Variants in TTC13 observed in about 807,000 individuals in gnomAD.
TTC13 encodes the protein tetratricopeptide repeat protein 13.
A neutral mutation model predicts 120.0 loss-of-function variants in TTC13; 62 were observed. The observed-to-expected ratio is 0.52, with a 90% CI of 0.42 to 0.64. The LOEUF (loss-of-function observed/expected upper bound fraction) is 0.64, where lower values mean the gene tolerates loss of function less well. TTC13 is among the 30% of genes least tolerant of loss of function. The probability of loss-of-function intolerance (pLI) is 0.00; values close to 1 mark genes in which losing one functional copy is unlikely to be tolerated. For missense variants in TTC13, 824 were observed against 1,050.2 expected (o/e 0.78, Z 2.98); for synonymous variants, 384 against 393.5 (o/e 0.98, Z 0.28).
At chr1:230,965,878 T>C (rs1228576868) in intron 1 of TTC13, among the ~76,000 whole-genome samples, 3 of 152,186 alleles carry the variant, frequency 2.0e-5, no homozygotes, top group Non-Finnish European at 4.4e-5. Flanking sequence ...CTCGAACACC[T>C]GGGCTCAAGC....
chr1:230,926,578 C>T (rs989829986), intron 12 of TTC13, among the ~76,000 whole-genome samples: 8 of 152,088 alleles, frequency 5.3e-5, no homozygotes, highest in African/African-American at 1.7e-4. Flanking sequence ...GGAATCCCCT[C>T]GAAATCCAAG....
intron 4 of TTC13, among the ~76,000 whole-genome samples, chr1:230,953,623 T>C (rs1332846397): frequency 6.6e-6 from 1 of 152,166 alleles, no homozygotes; most frequent in Non-Finnish European, 1.5e-5. Context: ...AATTAAGGCA[T>C]CTCTAGCTCT....
intron 12 of TTC13, among the ~76,000 whole-genome samples, chr1:230,927,074 T>C (rs1162621499): frequency 6.6e-6 from 1 of 152,248 alleles, no homozygotes; most frequent in Non-Finnish European, 1.5e-5. Context: ...CCTCGGTCAT[T>C]TGTTTATACT....
At chr1:230,917,366 G>A (rs1056055202) in intron 17 of TTC13, among the ~76,000 whole-genome samples, 5 of 152,170 alleles carry the variant, frequency 3.3e-5, no homozygotes, top group African/African-American at 1.2e-4. Context: ...GTGGGAATGT[G>A]GGCCCAAGGT....
chr1:230,924,072 T>C (rs550801544), intron 14 of TTC13, 139 bp from the exon 15 acceptor site: 4 of 566,508 alleles, frequency 7.1e-6, no homozygotes, highest in Non-Finnish European at 1.2e-5. Context: ...ACCTACAAAT[T>C]CCAAACAGAT....
rs1293599457 is a variant in TTC13, at chr1:230,978,765, G to A, written c.66C>T (p.Ala22=). 1.1e-5 allele frequency: 17 copies of A among 1,498,666 alleles called. 1 individual carries two copies. The Admixed American group carries it at 2.9e-4, about 26-fold the overall frequency. 92.8% of individuals were successfully genotyped at this position (1,498,666 alleles called of 1,614,324 possible). ...FWGGAVAAAG[A]ARRVLLLLLL... ...GCAGCAGCAGCAGGACACGCCGGGC[G>A]GCGCCCGCGGCGGCCACAGCGCCGC... is the stretch of plus-strand genomic sequence containing the variant. The change falls in exon 1 of 23, where the codon GCC becomes GCT. Residue 22 remains alanine, a synonymous_variant. Coordinates refer to ENST00000366661, the MANE Select transcript of TTC13 (RefSeq NM_024525.5). This position sits in a 1 kb window ranked among gnomAD's most constrained non-coding sequence, Gnocchi z 5.6.
intron 3 of TTC13, among the ~76,000 whole-genome samples, chr1:230,955,956 G>A (rs939423464): frequency 6.6e-6 from 1 of 152,162 alleles, no homozygotes; most frequent in Non-Finnish European, 1.5e-5. Flanking sequence ...GGTGGGGGTG[G>A]TGGAGGCAGT....
At chr1:230,909,074 T>C in intron 20 of TTC13, 54 bp from the exon 21 acceptor site, 7 of 1,462,134 alleles carry the variant, frequency 4.8e-6, no homozygotes, top group Non-Finnish European at 6.6e-6. Context: ...ACAGTTACCA[T>C]GTTAAATTTC....
At chr1:230,907,057 A>T in intron 22 of TTC13, 38 bp from the exon 23 acceptor site, 1 of 1,143,016 alleles carries the variant, frequency 8.7e-7, no homozygotes, top group Non-Finnish European at 1.2e-6. Context: ...CATGAAAATT[A>T]ACAAAATTTG....
At position 230,951,882 on chromosome 1, in the gene TTC13, T is replaced by C. The variant is rs533065868; in HGVS notation, c.513+2451A>G. Among the ~76,000 whole-genome samples the C allele has an allele frequency of 4.6e-5, 7 of 152,312 alleles. No homozygotes were observed. The South Asian group carries it at 1.4e-3, about 32-fold the overall frequency. On this transcript the variant is annotated intron_variant, in intron 4 of 22. Coordinates refer to ENST00000366661, the MANE Select transcript of TTC13 (RefSeq NM_024525.5). ...TTTCAGTCAATTGGAGAAGAAGCAA[T>C]AACTATTCTTTGGACATTTGCTATC...
intron 17 of TTC13, among the ~76,000 whole-genome samples, chr1:230,917,346 A>G (rs548216592): frequency 1.3e-5 from 2 of 152,264 alleles, no homozygotes; most frequent in East Asian, 3.9e-4. Context: ...GCCAGCAGGG[A>G]AGCCGCAGAG....
chr1:230,941,847 T>A (rs1315566973), intron 6 of TTC13, among the ~76,000 whole-genome samples: 1 of 152,156 alleles, frequency 6.6e-6, no homozygotes, highest in African/African-American at 2.4e-5. Flanking sequence ...CATAACTGAA[T>A]TATCATACCC....
At chr1:230,907,812 A>G (rs1041438331) in intron 22 of TTC13, among the ~76,000 whole-genome samples, 34 of 152,212 alleles carry the variant, frequency 2.2e-4, no homozygotes, top group Admixed American at 8.5e-4. Context: ...AACCAGGAGA[A>G]GGGGCAAAAA....
At chr1:230,923,527 T>C (rs970792049) in intron 15 of TTC13, among the ~76,000 whole-genome samples, 1 of 152,134 alleles carries the variant, frequency 6.6e-6, no homozygotes, top group Non-Finnish European at 1.5e-5. Context: ...ATGTTCTCCA[T>C]CTAATAATTT....
At chr1:230,972,297 T>A (rs766016591) in intron 1 of TTC13, among the ~76,000 whole-genome samples, 2 of 152,252 alleles carry the variant, frequency 1.3e-5, no homozygotes, top group Non-Finnish European at 2.9e-5. Flanking sequence ...TCTTTCTGAT[T>A]ACATCAGTTG....
At chr1:230,962,653 C>T (rs1207453391) in intron 1 of TTC13, among the ~76,000 whole-genome samples, 2 of 152,080 alleles carry the variant, frequency 1.3e-5, no homozygotes, top group Non-Finnish European at 2.9e-5. Context: ...TTCATAGTAG[C>T]GCTAATCACA....
chr1:230,958,115 A>G (rs1309660281), intron 3 of TTC13, 109 bp downstream of exon 3: 2 of 1,076,754 alleles, frequency 1.9e-6, no homozygotes, highest in Non-Finnish European at 2.7e-6. Flanking sequence ...AAACAGCTCA[A>G]ATTGGCAAAG....
At chr1:230,936,658 T>A in intron 8 of TTC13, 1 of 144,186 alleles carries the variant, frequency 6.9e-6, no homozygotes, top group East Asian at 2.4e-4. Flanking sequence ...TAATATTGCC[T>A]AATATACTTC....
At chr1:230,961,457 AC>A (rs1359690000) in intron 1 of TTC13, among the ~76,000 whole-genome samples, 154 bp from the exon 2 acceptor site, 1 of 152,208 alleles carries the variant, frequency 6.6e-6, no homozygotes, top group East Asian at 1.9e-4. Flanking sequence ...AGTGCCTCAC[AC>A]CTGTAATCCC....
Sources: allele counts gnomAD v4.1 joint callset (sites outside exome capture counted in the v4.1 genomes callset), GRCh38; gene constraint gnomAD v4.1.1; non-coding constraint Gnocchi (gnomAD v3.1); transcripts MANE v1.5; gene names NCBI Gene and HGNC (gene_info 2026-07-23, HGNC 2026-07-21).